The following PROM1 variants were observed in gnomAD, a reference collection of about 807,000 sequenced individuals.
PROM1 encodes prominin 1, also known as prominin-1.
A neutral mutation model predicts 116.9 loss-of-function variants in PROM1; 105 were observed. The observed-to-expected ratio is 0.90, with a 90% CI of 0.77 to 1.06. The LOEUF is 1.06. Among genes scored for constraint, PROM1 ranks in the 50% least tolerant of loss-of-function variants. PROM1 has a pLI of 0.00. For missense variants in PROM1, 1,122 were observed against 1,045.2 expected, an observed-to-expected ratio of 1.07 and a Z score of -1.01; for synonymous variants, 393 against 387.0, an observed-to-expected ratio of 1.02 and a Z score of -0.18.
chr4:16,072,213 G>A (rs1273016780), intron 2 of PROM1, among the ~76,000 whole-genome samples: 2 of 152,104 alleles, frequency 1.3e-5, no homozygotes, highest in Non-Finnish European at 2.9e-5. Flanking sequence ...TTATTAAGCT[G>A]GAACTTGAGA....
intron 1 of PROM1, among the ~76,000 whole-genome samples, chr4:16,079,089 G>GT (rs34109441): frequency 3.4e-4 from 51 of 151,030 alleles, no homozygotes; most frequent in South Asian, 6.3e-4. Context: ...CTTTATCTTG[G>GT]TTTTTTTTTT....
rs746174328 is a variant in PROM1, at chr4:16,009,071, GAT to G, written c.1177_1178del (p.Ile393ArgfsTer21). On this transcript the variant is annotated frameshift_variant, in exon 12 of 28. Transcript: ENST00000447510. LOFTEE classifies it high-confidence loss of function. ...KRVLNSIGSDIDNVTQRLPIQ... is the reference protein window; with the variant it reads ...KRVLNSIGSDXDNVTQRLPIQ... The stretch of plus-strand genomic sequence containing the variant: ...TAGGAAGACGCTGAGTTACATTGTC[GAT>G]ATCTGAACCAATGGAATTCAAGACC... 19 of 1,612,270 alleles carry G rather than the reference GAT, an allele frequency of 1.2e-5. No individual in the cohort carries two copies. Among genetic ancestry groups the G allele is most frequent in the Non-Finnish European group, 1.5e-5 (18 of 1,178,630 alleles).
intron 1 of PROM1, among the ~76,000 whole-genome samples, chr4:16,077,743 C>T (rs1221074240): frequency 6.6e-6 from 1 of 152,176 alleles, no homozygotes; most frequent in South Asian, 2.1e-4. Flanking sequence ...GGCTCTAGTA[C>T]GAGCCACTGG....
chr4:15,998,019 C>T (rs1001109089), intron 15 of PROM1, among the ~76,000 whole-genome samples: 2 of 152,220 alleles, frequency 1.3e-5, no homozygotes, highest in Non-Finnish European at 2.9e-5. Context: ...TATCAGTGAT[C>T]CAAATCACTG....
chr4:16,073,392 T>C (rs983965151), intron 2 of PROM1, among the ~76,000 whole-genome samples: 1 of 152,190 alleles, frequency 6.6e-6, no homozygotes, highest in Non-Finnish European at 1.5e-5. Context: ...ATTTATGACT[T>C]GGTACTTGTG....
At chr4:16,057,846 C>T (rs1578247775) in intron 2 of PROM1, among the ~76,000 whole-genome samples, 1 of 152,096 alleles carries the variant, frequency 6.6e-6, no homozygotes, top group Non-Finnish European at 1.5e-5. Context: ...ACAGGAGCTC[C>T]ATAGAGTCAG....
chr4:15,991,275 C>T lies in PROM1; in HGVS notation c.1930G>A (p.Gly644Arg), dbSNP rs1417333367. ...TATGCAAATGATAAAAGATTCACTC[C>T]TGCGGGGGATTTACCAGTCTACAAT... The part of the protein sequence containing the change: ...YLAQTGKSPA[G>R]VNLLSFAYDL... Residue 644 changes from glycine (G) to arginine (R), a missense_variant, in exon 18 of 28, where the codon GGA (glycine) becomes AGA (arginine). By Grantham distance (125) the Gly-to-Arg change is moderately radical. Transcript: ENST00000447510. 6 of 1,604,760 alleles carry T rather than the reference C, an allele frequency of 3.7e-6. No homozygotes were observed. In the African/African-American group the frequency reaches 6.7e-5, roughly 18 times the overall value.
chr4:15,986,123 C>G (rs1719349868), intron 20 of PROM1, 86 bp from the exon 21 acceptor site: 1 of 972,956 alleles, frequency 1.0e-6, no homozygotes, highest in African/African-American at 1.6e-5. Flanking sequence ...AGTACTGTAA[C>G]TCAGCTCTGC....
chr4:16,008,133 TG>T (rs750685176), intron 12 of PROM1, among the ~76,000 whole-genome samples: 2 of 152,246 alleles, frequency 1.3e-5, no homozygotes, highest in Non-Finnish European at 2.9e-5. Flanking sequence ...TTACGTATCC[TG>T]TGGTCTTGTA....
At chr4:16,007,608 G>A (rs948547362) in intron 12 of PROM1, among the ~76,000 whole-genome samples, 1 of 152,186 alleles carries the variant, frequency 6.6e-6, no homozygotes, top group Non-Finnish European at 1.5e-5. Context: ...ATGGAGGCTG[G>A]CCTCAGAAAA....
chr4:16,004,932 T>C (rs1355160672), intron 13 of PROM1, among the ~76,000 whole-genome samples: 2 of 74,674 alleles, frequency 2.7e-5, no homozygotes, highest in Non-Finnish European at 7.3e-5. Flanking sequence ...CCTTCCTTCC[T>C]CTTTCTTTTT....
chr4:15,986,992 G>C (rs2149086509), intron 20 of PROM1, among the ~76,000 whole-genome samples: 1 of 152,342 alleles, frequency 6.6e-6, no homozygotes, highest in South Asian at 2.1e-4. Flanking sequence ...GGGAATGCTT[G>C]CAGCCCACAC....
At chr4:16,026,058 T>TA (rs1275389611) in intron 5 of PROM1, among the ~76,000 whole-genome samples, 1 of 152,206 alleles carries the variant, frequency 6.6e-6, no homozygotes, top group African/African-American at 2.4e-5. Flanking sequence ...CATGGACACT[T>TA]ACGCATATGT....
Position 16,033,452 on chromosome 4 carries a change from T to A in PROM1, c.361A>T (p.Ile121Phe), listed in dbSNP as rs765642019. The A allele has an allele frequency of 3.1e-6, 5 of 1,613,228 alleles. No homozygotes were observed. The highest frequency in any genetic ancestry group is 3.4e-6 in the Non-Finnish European group (4 of 1,179,604). ...LCCVLGLLFI[I>F]LMPLVGYFFC... ...AAATACCCCACCAGAGGCATCAGAA[T>A]AATAAACAGCAGCCCCAGGACACAG... The change falls in exon 5 of 28, where the codon ATT becomes TTT. Residue 121 changes from isoleucine (I) to phenylalanine (F), a missense_variant. Coordinates refer to ENST00000447510, the MANE Select transcript of PROM1 (RefSeq NM_006017.3).
In PROM1 at chr4:15,988,483, A is replaced by G. The variant is rs534835433; in HGVS notation, c.2077-767T>C. On this transcript the variant is annotated intron_variant, in intron 19 of 27. Transcript: ENST00000447510. Reference sequence around the variant, plus strand: ...CTTGTAATCAAAAGCAGCCACAGAGAGTTTGCAAATGAGTGGGTGTGGCCA... The same window carrying G: ...CTTGTAATCAAAAGCAGCCACAGAGGGTTTGCAAATGAGTGGGTGTGGCCA... Among the ~76,000 whole-genome samples, 6 of 152,310 alleles carry G rather than the reference A, an allele frequency of 3.9e-5. No homozygotes were observed. In the East Asian group the frequency reaches 9.6e-4, roughly 24 times the overall value.
rs1722867816 is a variant in PROM1 at position 15,998,462 on chromosome 4, A to C, written c.1605T>G (p.Asn535Lys). 2 of 1,608,616 alleles carry C rather than the reference A, an allele frequency of 1.2e-6. No individual in the cohort carries two copies. The highest frequency in any genetic ancestry group is 1.7e-6 in the Non-Finnish European group (2 of 1,178,522). Reference sequence around the variant, plus strand: ...CAGAGAGATAGTATTCCCAGTCTTCATTTAGTAAGTAGGGTGTATCCAAAA... The same window carrying C: ...CAGAGAGATAGTATTCCCAGTCTTCCTTTAGTAAGTAGGGTGTATCCAAAA... ...FRVLDTPYLL[N>K]EDWEYYLSGK... The change falls in exon 15 of 28, where the codon AAT becomes AAG. Residue 535 changes from asparagine to lysine, a missense_variant. Coordinates refer to ENST00000447510, the MANE Select transcript of PROM1 (RefSeq NM_006017.3).
chr4:16,016,318 A>G, intron 9 of PROM1, 78 bp from the exon 10 acceptor site: 1 of 1,170,194 alleles, frequency 8.5e-7, no homozygotes, highest in Non-Finnish European at 1.2e-6. Flanking sequence ...AAGTCATTGT[A>G]TATTCCAAGT....
intron 2 of PROM1, among the ~76,000 whole-genome samples, chr4:16,071,628 C>T (rs538967092): frequency 6.6e-6 from 1 of 152,286 alleles, no homozygotes; most frequent in South Asian, 2.1e-4. Flanking sequence ...GGAGCCTGCA[C>T]CCAGGAAAGA....
chr4:15,987,963 G>T (rs764333099), intron 19 of PROM1, among the ~76,000 whole-genome samples: 1 of 144,886 alleles, frequency 6.9e-6, no homozygotes. Context: ...TGCAAGCTCC[G>T]CCTCCTGGGT....
Sources: gnomAD v4.1 joint callset for allele counts (sites outside exome capture counted in the v4.1 genomes callset) on GRCh38, gnomAD v4.1.1 for gene constraint, MANE v1.5 for transcripts, NCBI Gene and HGNC (gene_info 2026-07-23, HGNC 2026-07-21) for gene names.